The following PCCA variants were observed in gnomAD, a reference collection of about 807,000 sequenced individuals.
The protein encoded by PCCA is propionyl-CoA carboxylase subunit alpha.
In PCCA, 74 loss-of-function variants were observed where a neutral mutation model predicts 101.3. That is an observed-to-expected ratio of 0.73 (90% CI 0.61 to 0.89). PCCA has a LOEUF of 0.89. Ranked by LOEUF, PCCA falls within the 40% of genes least tolerant of loss-of-function variation. The pLI, the probability that PCCA is intolerant of heterozygous loss-of-function variation, is 0.00. For synonymous variants in PCCA, 294 were observed against 313.6 expected, an observed-to-expected ratio of 0.94 and a Z score of 0.66; for missense variants, 891 against 907.0, an observed-to-expected ratio of 0.98 and a Z score of 0.23.
At chr13:100,424,045 T>G (rs1201055135) in intron 19 of PCCA, among the ~76,000 whole-genome samples, 5 of 152,132 alleles carry the variant, frequency 3.3e-5, no homozygotes, top group Non-Finnish European at 7.4e-5. Flanking sequence ...CTGCAGATAT[T>G]TGGGGGAGCG....
At chr13:100,491,372 A>G (rs1016425146) in intron 21 of PCCA, 12 of 189,096 alleles carry the variant, frequency 6.3e-5, no homozygotes, top group Non-Finnish European at 1.3e-4. Flanking sequence ...ATTTGAAAGA[A>G]CATCACGTGA....
At chr13:100,490,346 C>T (rs901883743) in intron 21 of PCCA, 1 of 152,158 alleles carries the variant, frequency 6.6e-6, no homozygotes, top group Admixed American at 6.5e-5. Flanking sequence ...AAAATGGTCA[C>T]CATAGGTCTG....
chr13:100,187,996 A>G (rs2057433308), intron 6 of PCCA, among the ~76,000 whole-genome samples: 1 of 151,964 alleles, frequency 6.6e-6, no homozygotes, highest in South Asian at 2.1e-4. Context: ...GTGAGAACAT[A>G]CGATGTTTGG....
intron 7 of PCCA, among the ~76,000 whole-genome samples, chr13:100,231,762 A>G (rs779579977): frequency 2.6e-5 from 4 of 151,944 alleles, no homozygotes; most frequent in Non-Finnish European, 4.4e-5. Context: ...AATATAGACA[A>G]GGTCTTGCGA....
chr13:100,484,797 G>A (rs1042381591), intron 21 of PCCA, among the ~76,000 whole-genome samples: 1 of 152,158 alleles, frequency 6.6e-6, no homozygotes, highest in African/African-American at 2.4e-5. Context: ...CACCTGGGCA[G>A]CTGCTTCACA....
intron 6 of PCCA, among the ~76,000 whole-genome samples, chr13:100,204,526 T>A (rs545458009): frequency 7.9e-4 from 120 of 152,332 alleles, no homozygotes; most frequent in African/African-American, 2.8e-3. Flanking sequence ...CGCTTTAAAA[T>A]CTGAATTCAT....
At chr13:100,351,662 G>A (rs1173757381) in intron 18 of PCCA, among the ~76,000 whole-genome samples, 4 of 152,158 alleles carry the variant, frequency 2.6e-5, no homozygotes, top group Non-Finnish European at 5.9e-5. Flanking sequence ...TGTGGGCATT[G>A]TGTGCTTTAA....
intron 4 of PCCA, among the ~76,000 whole-genome samples, chr13:100,129,904 T>C (rs78098582): frequency 2.0e-5 from 3 of 152,364 alleles, no homozygotes; most frequent in Non-Finnish European, 4.4e-5. Context: ...AGCATTGTTA[T>C]GCGTTTTTCT....
intron 8 of PCCA, among the ~76,000 whole-genome samples, chr13:100,245,183 A>G (rs562908573): frequency 1.3e-4 from 20 of 152,294 alleles, no homozygotes; most frequent in African/African-American, 4.6e-4. Context: ...GTGGAAAATT[A>G]TGATCAAATA....
chr13:100,520,515 G>A (rs2087163249), intron 22 of PCCA, among the ~76,000 whole-genome samples: 1 of 151,494 alleles, frequency 6.6e-6, no homozygotes, highest in South Asian at 2.1e-4. Flanking sequence ...GGCGCCTGTA[G>A]TCCCAGCTAC....
chr13:100,417,055 C>G (rs2078422265), intron 19 of PCCA, among the ~76,000 whole-genome samples: 1 of 151,872 alleles, frequency 6.6e-6, no homozygotes, highest in Non-Finnish European at 1.5e-5. Flanking sequence ...TTTGGGCAGG[C>G]TAGTCTCGAA....
intron 19 of PCCA, among the ~76,000 whole-genome samples, chr13:100,376,055 C>G (rs529700116): frequency 6.6e-6 from 1 of 152,284 alleles, no homozygotes; most frequent in East Asian, 1.9e-4. Context: ...GATGTTGATG[C>G]TGATGCTGTT....
chr13:100,326,692 T>C (rs1169125426), intron 16 of PCCA, among the ~76,000 whole-genome samples: 1 of 152,052 alleles, frequency 6.6e-6, no homozygotes, highest in Non-Finnish European at 1.5e-5. Context: ...CTCCTTCTCC[T>C]CAGTCTACTC....
Position 100,259,584 on chromosome 13 carries a change from C to T in PCCA, c.716+1911C>T, listed in dbSNP as rs1418860210. On this transcript the variant is annotated intron_variant, in intron 9 of 23. Transcript: ENST00000376285. ...TCTTGACATCATGATCTGCCTGCCT[C>T]GGCCTCCCAAAGTGCTGGGATTACA... is the stretch of plus-strand genomic sequence containing the variant. Among the ~76,000 whole-genome samples, 4 of 151,972 alleles carry T rather than the reference C, an allele frequency of 2.6e-5. 1 individual carries two copies. The highest frequency in any genetic ancestry group is 2.1e-4 in the South Asian group (1 of 4,804).
At position 100,385,262 on chromosome 13, in the gene PCCA, A is replaced by G. The variant is rs140173683; in HGVS notation, c.1746+16688A>G. ...TTCCATTTGAAAAATTATTAGGATA[A>G]TAAGTCAAGATAATGCTTAAAAATG... On this transcript the variant is annotated intron_variant, in intron 19 of 23. Coordinates refer to ENST00000376285, the MANE Select transcript of PCCA (RefSeq NM_000282.4). Among the ~76,000 whole-genome samples the G allele has an allele frequency of 5.1e-3, 779 of 152,328 alleles. 8 individuals carry two copies. The highest frequency in any genetic ancestry group is 0.018 in the African/African-American group (751 of 41,562).
At chr13:100,305,877 T>C (rs1297878064) in intron 14 of PCCA, 2 of 414,452 alleles carry the variant, frequency 4.8e-6, no homozygotes, top group Non-Finnish European at 9.6e-6. Flanking sequence ...AAGATTTTTG[T>C]ATATGAATGT....
intron 1 of PCCA, among the ~76,000 whole-genome samples, chr13:100,092,370 G>A (rs965844331): frequency 6.6e-6 from 1 of 151,370 alleles, no homozygotes; most frequent in African/African-American, 2.4e-5. Context: ...GATTCTGAAG[G>A]CTTTCTTTTC....
intron 4 of PCCA, among the ~76,000 whole-genome samples, chr13:100,130,650 T>C (rs1409324605): frequency 6.6e-6 from 1 of 152,238 alleles, no homozygotes; most frequent in Non-Finnish European, 1.5e-5. Context: ...ATTGCAAATC[T>C]TCCTGTAAAT....
At chr13:100,354,118 A>C (rs989436703) in intron 18 of PCCA, among the ~76,000 whole-genome samples, 19 of 140,998 alleles carry the variant, frequency 1.3e-4, no homozygotes, top group Admixed American at 1.3e-3. Context: ...AATAATAATA[A>C]TAAAATAATT....
Sources: gnomAD v4.1 joint callset for allele counts (sites outside exome capture counted in the v4.1 genomes callset) on GRCh38, gnomAD v4.1.1 for gene constraint, MANE v1.5 for transcripts, NCBI Gene and HGNC (gene_info 2026-07-23, HGNC 2026-07-21) for gene names.